The following ARMC2 variants were observed in gnomAD, a reference collection of about 807,000 sequenced individuals.
The protein encoded by ARMC2 is armadillo repeat-containing protein 2.
In ARMC2, 67 loss-of-function variants were observed where a neutral mutation model predicts 90.3. The ratio of observed to expected loss-of-function variants is 0.74; its 90% CI spans 0.61 to 0.91. ARMC2 has a LOEUF of 0.91. ARMC2 is among the 40% of genes least tolerant of loss of function. The pLI, the probability that ARMC2 is intolerant of heterozygous loss-of-function variation, is 0.00. For missense variants in ARMC2, 920 were observed against 1,030.9 expected, an observed-to-expected ratio of 0.89 and a Z score of 1.47; for synonymous variants, 393 against 393.0, an observed-to-expected ratio of 1.00 and a Z score of 0.00.
intron 4 of ARMC2, among the ~76,000 whole-genome samples, chr6:108,869,765 C>G (rs1776202205): frequency 6.6e-6 from 1 of 152,056 alleles, no homozygotes; most frequent in Non-Finnish European, 1.5e-5. Flanking sequence ...AACCTGGGAA[C>G]AGAGAGGCTA....
At chr6:108,885,486 C>G (rs1777996517) in intron 5 of ARMC2, among the ~76,000 whole-genome samples, 1 of 152,004 alleles carries the variant, frequency 6.6e-6, no homozygotes, top group East Asian at 1.9e-4. Flanking sequence ...GTCAGGAATT[C>G]AAGACCAGCA....
intron 12 of ARMC2, among the ~76,000 whole-genome samples, chr6:108,945,134 A>G (rs1180157463): frequency 6.6e-6 from 1 of 152,112 alleles, no homozygotes; most frequent in Non-Finnish European, 1.5e-5. Flanking sequence ...TTTATGGTGT[A>G]AACTGCTTTT....
intron 11 of ARMC2, among the ~76,000 whole-genome samples, chr6:108,935,714 G>T (rs1369248470): frequency 6.6e-6 from 1 of 151,862 alleles, no homozygotes; most frequent in Non-Finnish European, 1.5e-5. Flanking sequence ...AAGTGCTGGG[G>T]TTACAGGCGT....
At chr6:108,880,146 G>A in intron 5 of ARMC2, 2 of 362,334 alleles carry the variant, frequency 5.5e-6, no homozygotes, top group Non-Finnish European at 5.3e-6. Flanking sequence ...CTACGACCCT[G>A]AACTACACAA....
At chr6:109,000,416 C>T in the ARMC2 span, 22 of 1,177,552 alleles carry the variant, frequency 1.9e-5, no homozygotes, top group Admixed American at 8.4e-5. Context: ...ACTTTCTGTG[C>T]GATTTTTCTG....
At position 108,964,332 on chromosome 6, in the gene ARMC2, G is replaced by A. The variant is rs1778210431; in HGVS notation, c.2285+20G>A. ...TAAAAAGTAAGTTTCAGGGCGTAGA[G>A]TACTGACTCTCTCAGGATTTGAAGG... is the stretch of plus-strand genomic sequence containing the variant. On this transcript the variant is annotated intron_variant, in intron 16 of 17. Transcript: ENST00000392644. The A allele has an allele frequency of 6.2e-7, 1 of 1,608,202 alleles. No individual in the cohort carries two copies. Among genetic ancestry groups the A allele is most frequent in the Non-Finnish European group, 8.5e-7 (1 of 1,177,850 alleles).
chr6:108,874,107 A>G (rs1776703170), intron 4 of ARMC2, among the ~76,000 whole-genome samples: 1 of 152,222 alleles, frequency 6.6e-6, no homozygotes, highest in African/African-American at 2.4e-5. Flanking sequence ...ATGTGCTGCA[A>G]CTGTCTACCG....
rs536620550 is a variant in ARMC2 at position 108,925,624 on chromosome 6, A to G, written c.1351-2464A>G. 1.4e-4 allele frequency among the ~76,000 whole-genome samples: 22 copies of G among 152,326 alleles called. 1 individual carries two copies. The highest frequency in any genetic ancestry group is 5.1e-4 in the African/African-American group (21 of 41,572). On this transcript the variant is annotated intron_variant, in intron 10 of 17. Coordinates refer to ENST00000392644, the MANE Select transcript of ARMC2 (RefSeq NM_032131.6). ...TCAGGGAACTGAATATTATCCTGGG[A>G]GCTATGGACAAAAAGCCAATATGGC...
chr6:108,967,278 G>A (rs1368787513), intron 17 of ARMC2, among the ~76,000 whole-genome samples: 1 of 152,198 alleles, frequency 6.6e-6, no homozygotes, highest in Non-Finnish European at 1.5e-5. Context: ...ATGGCCCAGG[G>A]CTTTCCCGCA....
chr6:108,970,306 A>G (rs1196955056), intron 17 of ARMC2, among the ~76,000 whole-genome samples: 1 of 152,038 alleles, frequency 6.6e-6, no homozygotes, highest in Non-Finnish European at 1.5e-5. Flanking sequence ...TGGTCTTGAC[A>G]TTAGATTTTA....
At chr6:109,020,573 AG>A in the ARMC2 span, among the ~76,000 whole-genome samples, 638 of 152,310 alleles carry the variant, frequency 4.2e-3, 2 homozygotes, top group Non-Finnish European at 6.8e-3. Context: ...CAAATTGCAC[AG>A]TGCAATTCTA....
chr6:108,861,457 TAAC>T (rs1775235442), intron 3 of ARMC2, among the ~76,000 whole-genome samples: 1 of 152,218 alleles, frequency 6.6e-6, no homozygotes. Context: ...CTCAGAAAAT[TAAC>T]ATTACTCAGT....
chr6:108,980,857 T>G, the ARMC2 span, among the ~76,000 whole-genome samples: 46 of 152,094 alleles, frequency 3.0e-4, no homozygotes, highest in Non-Finnish European at 6.2e-4. Context: ...GCCACTGCAC[T>G]ATAGCCTGGG....
chr6:108,880,126 A>G (rs996418016), intron 5 of ARMC2: 14 of 365,148 alleles, frequency 3.8e-5, no homozygotes, highest in Admixed American at 2.7e-4. Flanking sequence ...AAACAACAAC[A>G]AAAAAATGGC....
intron 12 of ARMC2, among the ~76,000 whole-genome samples, chr6:108,946,396 T>C (rs1248399650): frequency 1.3e-5 from 2 of 152,236 alleles, no homozygotes; most frequent in Non-Finnish European, 1.5e-5. Flanking sequence ...CATTTCAGAT[T>C]CTTCGATTTT....
chr6:108,913,192 G>C (rs980596451), intron 10 of ARMC2, among the ~76,000 whole-genome samples: 5 of 152,142 alleles, frequency 3.3e-5, no homozygotes, highest in Admixed American at 1.3e-4. Context: ...TTTTAGATGA[G>C]ATTTTACTTT....
chr6:108,907,227 A>G (rs1196332724), intron 8 of ARMC2, among the ~76,000 whole-genome samples: 2 of 152,084 alleles, frequency 1.3e-5, no homozygotes, highest in African/African-American at 4.8e-5. Flanking sequence ...CTAAAAATGT[A>G]AGATTTGTTG....
chr6:108,902,180 C>G (rs1772226915), intron 7 of ARMC2, among the ~76,000 whole-genome samples: 1 of 152,144 alleles, frequency 6.6e-6, no homozygotes, highest in Non-Finnish European at 1.5e-5. Context: ...AAACTTTTAC[C>G]CACTAGATTT....
At position 108,854,286 on chromosome 6, in the gene ARMC2, A is replaced by G; in HGVS notation, c.19A>G (p.Lys7Glu). The G allele has an allele frequency of 6.2e-7, 1 of 1,608,978 alleles. No homozygotes were observed. Among genetic ancestry groups the G allele is most frequent in the Non-Finnish European group, 8.5e-7 (1 of 1,177,568 alleles). Residue 7 changes from lysine (K) to glutamate (E), a missense_variant, in exon 2 of 18, where the codon AAA becomes GAA. By Grantham distance (56) the Lys-to-Glu change is moderately conservative. Transcript: ENST00000392644. Reference sequence around the variant, plus strand: ...AGGAAAGATGCTGTCTCCAAATGATAAAATGTTAGGAAAACTGGATCCATT... The same window carrying G: ...AGGAAAGATGCTGTCTCCAAATGATGAAATGTTAGGAAAACTGGATCCATT... MLSPND[K>E]MLGKLDPFYQ... is the part of the protein sequence containing the mutation.
Sources: gnomAD v4.1 joint callset for allele counts (sites outside exome capture counted in the v4.1 genomes callset) on GRCh38, gnomAD v4.1.1 for gene constraint, MANE v1.5 for transcripts, NCBI Gene and HGNC (gene_info 2026-07-23, HGNC 2026-07-21) for gene names.